FLI1: variants seen among roughly 807,000 people sequenced by gnomAD.
The protein encoded by FLI1 is Friend leukemia integration 1 transcription factor.
In FLI1, 13 loss-of-function variants were observed where a neutral mutation model predicts 53.1. That is an observed-to-expected ratio of 0.24 (90% CI 0.16 to 0.39). The LOEUF is 0.39. FLI1 is among the 10% of genes least tolerant of loss of function. The probability of loss-of-function intolerance (pLI) is 1.00; values close to 1 mark genes in which losing one functional copy is unlikely to be tolerated. For missense variants in FLI1, 424 were observed against 600.5 expected, an observed-to-expected ratio of 0.71 and a Z score of 3.07; for synonymous variants, 244 against 236.7, an observed-to-expected ratio of 1.03 and a Z score of -0.28.
intron 1 of FLI1, among the ~76,000 whole-genome samples, chr11:128,724,157 C>T (rs898919107): frequency 2.6e-5 from 4 of 152,072 alleles, no homozygotes; most frequent in Non-Finnish European, 2.9e-5. Context: ...GTTGGGCAGG[C>T]TGGTCTCGAA....
intron 1 of FLI1, among the ~76,000 whole-genome samples, chr11:128,739,680 G>A (rs948632899): frequency 5.9e-5 from 9 of 151,838 alleles, no homozygotes; most frequent in African/African-American, 4.8e-5. Flanking sequence ...AAAATCCTTC[G>A]CTTGCTTGCC....
chr11:128,724,286 G>T (rs1939378055), intron 1 of FLI1, among the ~76,000 whole-genome samples: 1 of 152,166 alleles, frequency 6.6e-6, no homozygotes, highest in Admixed American at 6.5e-5. Context: ...ACCAGACAGG[G>T]TATTCCAGGG....
At chr11:128,796,936 T>G (rs1942461820) in intron 5 of FLI1, among the ~76,000 whole-genome samples, 1 of 152,170 alleles carries the variant, frequency 6.6e-6, no homozygotes, top group Non-Finnish European at 1.5e-5. Context: ...GATTGCGCCA[T>G]TGCACTCCAG....
rs774633245 is a variant in FLI1, at chr11:128,768,105, C to T, written c.231-13C>T. On this transcript the variant is annotated splice_polypyrimidine_tract_variant and intron_variant, in intron 2 of 8. Transcript: ENST00000527786. The stretch of plus-strand genomic sequence containing the variant: ...TGCTGACCGCCTCTGGGCTTTGTCT[C>T]TTCTCACTTTAGGGAGTCTCCGGTG... The T allele has an allele frequency of 1.2e-6, 2 of 1,602,854 alleles. No homozygotes were observed. Among genetic ancestry groups the T allele is most frequent in the Non-Finnish European group, 1.7e-6 (2 of 1,172,962 alleles).
At chr11:128,752,951 G>A (rs1015839608) in intron 1 of FLI1, among the ~76,000 whole-genome samples, 2 of 152,220 alleles carry the variant, frequency 1.3e-5, no homozygotes, top group African/African-American at 4.8e-5. Context: ...CCAGGAGGGG[G>A]TCGTGGAAAG....
At chr11:128,773,883 T>G (rs1171716207) in intron 4 of FLI1, among the ~76,000 whole-genome samples, 1 of 151,892 alleles carries the variant, frequency 6.6e-6, no homozygotes, top group African/African-American at 2.4e-5. Context: ...GTAAGAGCAT[T>G]CTAGCAGCCC....
At chr11:128,795,636 C>T (rs1402706217) in intron 5 of FLI1, among the ~76,000 whole-genome samples, 2 of 150,848 alleles carry the variant, frequency 1.3e-5, no homozygotes, top group East Asian at 1.9e-4. Flanking sequence ...CTGCAAGCTC[C>T]GCCTCCCGGG....
intron 1 of FLI1, among the ~76,000 whole-genome samples, chr11:128,737,608 T>G (rs1354994319): frequency 6.6e-6 from 1 of 152,208 alleles, no homozygotes; most frequent in African/African-American, 2.4e-5. Context: ...TGTAGAAAAT[T>G]TAAATAGAGA....
At chr11:128,760,190 G>C (rs2135814292) in intron 2 of FLI1, among the ~76,000 whole-genome samples, 1 of 152,262 alleles carries the variant, frequency 6.6e-6, no homozygotes, top group Non-Finnish European at 1.5e-5. Context: ...CTTACCACTT[G>C]TTCCTCACCA....
intron 1 of FLI1, among the ~76,000 whole-genome samples, chr11:128,757,044 TTTTCTTTC>T (rs147249846): frequency 0.088 from 9,435 of 106,974 alleles, 432 homozygotes; most frequent in Non-Finnish European, 0.11. Context: ...CTAGCTAATT[TTTTCTTTC>T]TTTCTTTCTT....
intron 1 of FLI1, among the ~76,000 whole-genome samples, chr11:128,740,421 A>G (rs537053402): frequency 7.5e-4 from 114 of 152,348 alleles, no homozygotes; most frequent in African/African-American, 2.5e-3. Flanking sequence ...ATCCTTAAAC[A>G]CTGTTGGCTC....
At chr11:128,732,002 C>CA (rs10641944) in intron 1 of FLI1, among the ~76,000 whole-genome samples, 111,129 of 144,848 alleles carry the variant, frequency 0.77, 42,541 homozygotes, top group East Asian at 0.95. Context: ...GACTCCATCT[C>CA]AAAAAAAAAA....
intron 1 of FLI1, among the ~76,000 whole-genome samples, chr11:128,740,565 T>G (rs1367485595): frequency 6.6e-6 from 1 of 152,256 alleles, no homozygotes; most frequent in Non-Finnish European, 1.5e-5. Flanking sequence ...GCTCAGAGAA[T>G]GCAAATATTT....
chr11:128,780,685 G>T (rs1281487896), intron 4 of FLI1, among the ~76,000 whole-genome samples: 1 of 152,224 alleles, frequency 6.6e-6, no homozygotes, highest in African/African-American at 2.4e-5. Flanking sequence ...AACGCCCACA[G>T]CTGGGTGAGG....
chr11:128,763,803 G>C (rs907596064), intron 2 of FLI1, among the ~76,000 whole-genome samples: 3 of 152,220 alleles, frequency 2.0e-5, no homozygotes, highest in Non-Finnish European at 4.4e-5. Context: ...CTGTGTATGG[G>C]GATGAAAACA....
intron 2 of FLI1, among the ~76,000 whole-genome samples, chr11:128,764,105 G>T (rs902552851): frequency 1.3e-5 from 2 of 152,204 alleles, no homozygotes; most frequent in African/African-American, 4.8e-5. Context: ...AGATGTGCGG[G>T]TCTGATGATA....
At chr11:128,787,305 T>C (rs1235136853) in intron 5 of FLI1, among the ~76,000 whole-genome samples, 16 of 152,106 alleles carry the variant, frequency 1.1e-4, no homozygotes. Flanking sequence ...TTATCCCCCT[T>C]CTATAGATAA....
At chr11:128,758,420 A>T in intron 2 of FLI1, 94 bp downstream of exon 2, 1 of 1,012,692 alleles carries the variant, frequency 9.9e-7, no homozygotes, top group Admixed American at 2.1e-5. Context: ...TTTGCAGCAG[A>T]TGGGGCTCTA....
chr11:128,694,569 A>C (rs1169272874), intron 1 of FLI1, among the ~76,000 whole-genome samples: 1 of 256 alleles, frequency 3.9e-3, no homozygotes, highest in African/African-American at 0.019. Context: ...ACGGCGGGAA[A>C]CCGGGGGACC....
Sources: allele counts gnomAD v4.1 joint callset (sites outside exome capture counted in the v4.1 genomes callset), GRCh38; gene constraint gnomAD v4.1.1; transcripts MANE v1.5; gene names NCBI Gene and HGNC (gene_info 2026-07-23, HGNC 2026-07-21).